The following TCHH variants were observed in gnomAD, a reference collection of about 807,000 sequenced individuals.
The protein encoded by TCHH is trichohyalin.
In TCHH, 6 loss-of-function variants were observed where a neutral mutation model predicts 6.3. The observed-to-expected ratio is 0.95, with a 90% CI of 0.52 to 1.88. The LOEUF is 1.88. TCHH is among the 40% of genes most tolerant of loss of function. The pLI, the probability that TCHH is intolerant of heterozygous loss-of-function variation, is 0.01. For missense variants in TCHH, 2,920 were observed against 2,449.1 expected (o/e 1.19, Z -4.06); for synonymous variants, 1,087 against 963.6 (o/e 1.13, Z -2.37).
Position 152,112,661 on chromosome 1 carries a change from G to C in TCHH, c.556C>G (p.Arg186Gly), listed in dbSNP as rs747626615. 6.2e-7 allele frequency: 1 copy of C among 1,613,874 alleles called. No homozygotes were observed. The highest frequency in any genetic ancestry group is 8.5e-7 in the Non-Finnish European group (1 of 1,180,024). ...QRQEWQEREE[R>G]RAEEEQLQSC... ...TGCAGCTGCTCTTCCTCTGCACGGCGCTCTTCCCGTTCTTGCCATTCTTGC... is the reference window on the plus strand; with the variant it reads ...TGCAGCTGCTCTTCCTCTGCACGGCCCTCTTCCCGTTCTTGCCATTCTTGC... Residue 186 changes from arginine to glycine, a missense_variant, in exon 3 of 3, where the codon CGC becomes GGC. Coordinates refer to ENST00000614923, the MANE Select transcript of TCHH (RefSeq NM_007113.4).
At position 152,114,095 on chromosome 1, in the gene TCHH, T is replaced by G. The variant is rs746145923; in HGVS notation, c.-15A>C. On this transcript the variant is annotated 5_prime_UTR_variant, in exon 2 of 3. Coordinates refer to ENST00000614923, the MANE Select transcript of TCHH (RefSeq NM_007113.4). ...AGTGGAGACATTTTTTTTTCTTTCC[T>G]TCAAGTTCAAGTAAACCTAGAACAA... The G allele has an allele frequency of 1.1e-5, 17 of 1,593,890 alleles. No individual in the cohort carries two copies. Among genetic ancestry groups the G allele is most frequent in the Non-Finnish European group, 1.4e-5 (17 of 1,174,594 alleles).
rs770476948 is a variant in TCHH at position 152,107,876 on chromosome 1, G to T, written c.5341C>A (p.Gln1781Lys). 84 of 1,613,742 alleles carry T rather than the reference G, an allele frequency of 5.2e-5. No individual in the cohort carries two copies. The highest frequency in any genetic ancestry group is 6.6e-5 in the Non-Finnish European group (78 of 1,179,942). ...CGCAGCTGCTGTTCCTCCCTCTCCT[G>T]GCGGAGCTGTTCCTCCTCGCGGAAT... Reference protein sequence around the residue: ...RKFREEEQLRQEREEQQLRSQ... With the variant: ...RKFREEEQLRKEREEQQLRSQ... The change falls in exon 3 of 3, where the codon CAG becomes AAG. Residue 1781 changes from glutamine to lysine, a missense_variant. Transcript: ENST00000614923.
Position 152,111,062 on chromosome 1 carries a change from C to T in TCHH, c.2155G>A (p.Val719Ile). Residue 719 changes from valine (V) to isoleucine (I), a missense_variant, in exon 3 of 3, where the codon GTC (valine) becomes ATC (isoleucine). By Grantham distance (29) the Val-to-Ile change is conservative (BLOSUM62 3). Coordinates refer to ENST00000614923, the MANE Select transcript of TCHH (RefSeq NM_007113.4). ...ESEADARQSK[V>I]YSRPRKQEGQ... ...TCCTGCTTGCGGGGCCTCGAGTAGA[C>T]TTTGCTTTGCCGTGCGTCGGCCTCG... 1 of 1,613,572 alleles carries T rather than the reference C, an allele frequency of 6.2e-7. No homozygotes were observed.
intron 2 of TCHH, 67 bp downstream of exon 2, chr1:152,113,876 T>A (rs553885114): frequency 6.4e-7 from 1 of 1,562,678 alleles, no homozygotes; most frequent in African/African-American, 1.4e-5. Context: ...TTCCTTGCTC[T>A]GGTCTCCTCT....
chr1:152,111,826 G>A lies in TCHH; in HGVS notation c.1391C>T (p.Thr464Met), dbSNP rs371113568. Residue 464 changes from threonine (T) to methionine (M), a missense_variant, in exon 3 of 3, where the codon ACG becomes ATG. By Grantham distance (81) the Thr-to-Met change is moderately conservative. Coordinates refer to ENST00000614923, the MANE Select transcript of TCHH (RefSeq NM_007113.4). ...GCGCCTCTCCTGCTCGTGCCTCTCC[G>A]TCTCCTCCTCGCGCTTCAGCCAATC... ...RRDWLKREEE[T>M]ERHEQERRKQ... The A allele has an allele frequency of 2.9e-5, 37 of 1,285,842 alleles. No homozygotes were observed. The East Asian group carries it at 1.4e-3, about 49-fold the overall frequency. 79.7% of individuals were successfully genotyped at this position (1,285,842 alleles called of 1,614,324 possible).
Position 152,108,326 on chromosome 1 carries a change from T to G in TCHH, c.4891A>C (p.Arg1631=). Residue 1631 remains arginine, a synonymous_variant, in exon 3 of 3, where the codon AGG becomes CGG. Coordinates refer to ENST00000614923, the MANE Select transcript of TCHH (RefSeq NM_007113.4). ...FREDEQLLQE[R]EEQQLHRQER... ...TGGCGGTGCAGCTGCTGTTCTTCCC[T>G]TTCCTGGAGCAGCTGTTCGTCTTCG... 6.3e-7 allele frequency: 1 copy of G among 1,589,552 alleles called. No homozygotes were observed. The highest frequency in any genetic ancestry group is 8.6e-7 in the Non-Finnish European group (1 of 1,168,240).
chr1:152,111,737 C>T lies in TCHH; in HGVS notation c.1480G>A (p.Glu494Lys), dbSNP rs199978168. Residue 494 changes from glutamate (E) to lysine (K), a missense_variant, in exon 3 of 3, where the codon GAG becomes AAG. Coordinates refer to ENST00000614923, the MANE Select transcript of TCHH (RefSeq NM_007113.4). ...RRERWLKLEE[E>K]ERREQQERRE... ...CTCTCCTGCTGCTCGCGCCTCTCCT[C>T]CTCCTCGAGCTTCAGCCAACGTTCG... The T allele has an allele frequency of 1.5e-6, 2 of 1,339,942 alleles. No individual in the cohort carries two copies. Among genetic ancestry groups the T allele is most frequent in the Non-Finnish European group, 2.0e-6 (2 of 997,910 alleles). 83.0% of individuals were successfully genotyped at this position (1,339,942 alleles called of 1,614,324 possible).
In TCHH at chr1:152,109,638, C is replaced by T. The variant is rs780818019; in HGVS notation, c.3579G>A (p.Gln1193=). 28 of 1,610,934 alleles carry T rather than the reference C, an allele frequency of 1.7e-5. No homozygotes were observed. The highest frequency in any genetic ancestry group is 2.3e-5 in the Non-Finnish European group (27 of 1,178,188). Residue 1193 remains glutamine (Q), a synonymous_variant, in exon 3 of 3, where the codon CAG becomes CAA. Coordinates refer to ENST00000614923, the MANE Select transcript of TCHH (RefSeq NM_007113.4). ...LLREEQEKRR[Q]ERERQYREEE... is the part of the protein sequence containing the mutation. ...CCTCCCGATACTGCCTCTCCCGCTC[C>T]TGGCGCCTTTTCTCCTGTTCCTCTC...
chr1:152,107,613 C>A lies in TCHH; in HGVS notation c.5604G>T (p.Glu1868Asp). The change falls in exon 3 of 3, where the codon GAG becomes GAT. Residue 1868 changes from glutamate to aspartate, a missense_variant. Transcript: ENST00000614923. Reference protein sequence around the residue: ...RREEQELWQEEEQKRRQERER... With the variant: ...RREEQELWQEDEQKRRQERER... ...CCCGTTCCTGGCGACGTTTCTGCTC[C>A]TCTTCTTGCCATAGTTCTTGTTCCT... is the stretch of plus-strand genomic sequence containing the variant. 6.2e-7 allele frequency: 1 copy of A among 1,614,094 alleles called. No individual in the cohort carries two copies. Among genetic ancestry groups the A allele is most frequent in the Non-Finnish European group, 8.5e-7 (1 of 1,180,018 alleles).
Position 152,109,523 on chromosome 1 carries a change from C to T in TCHH, c.3694G>A (p.Glu1232Lys), listed in dbSNP as rs1368952450. Residue 1232 changes from glutamate (E) to lysine (K), a missense_variant, in exon 3 of 3, where the codon GAA becomes AAA. Coordinates refer to ENST00000614923, the MANE Select transcript of TCHH (RefSeq NM_007113.4). Reference protein sequence around the residue: ...DLKWQWEPEKENAVRDNKVYC... With the variant: ...DLKWQWEPEKKNAVRDNKVYC... Reference sequence around the variant, plus strand: ...ACCTTGTTATCACGAACTGCATTTTCTTTTTCTGGTTCCCACTGCCATTTC... The same window carrying T: ...ACCTTGTTATCACGAACTGCATTTTTTTTTTCTGGTTCCCACTGCCATTTC... The T allele has an allele frequency of 1.2e-6, 2 of 1,614,274 alleles. No homozygotes were observed. Among genetic ancestry groups the T allele is most frequent in the Non-Finnish European group, 1.7e-6 (2 of 1,180,046 alleles).
chr1:152,114,282 C>T (rs896422169), intron 1 of TCHH, among the ~76,000 whole-genome samples, 171 bp from the exon 2 acceptor site: 2 of 152,138 alleles, frequency 1.3e-5, no homozygotes, highest in Admixed American at 6.6e-5. Flanking sequence ...AGAGAAAGAG[C>T]GATCCTGAGA....
In TCHH at chr1:152,108,629, GC is replaced by G. The variant is rs1658201032; in HGVS notation, c.4587del (p.Gln1530ArgfsTer43). On this transcript the variant is annotated frameshift_variant, in exon 3 of 3. Transcript: ENST00000614923. LOFTEE classifies it low-confidence loss of function (END_TRUNC). ...EEEQQLHRQQ[R>X]QRKFLQEEQQ... ...TGTTCCTCCTGGAGGAATTTTCTCT[GC>G]CGTTGCTGGCGGTGCAGCTGCTGTT... 6.3e-7 allele frequency: 1 copy of G among 1,585,514 alleles called. No homozygotes were observed. Among genetic ancestry groups the G allele is most frequent in the South Asian group, 1.1e-5 (1 of 90,268 alleles).
rs749152495 is a variant in TCHH, at chr1:152,108,245, C to T, written c.4972G>A (p.Glu1658Lys). ...EEPQLRRQEREQQLRHDRDRK... is the reference protein window; with the variant it reads ...EEPQLRRQERKQQLRHDRDRK... ...TCGCGGTCGTGACGCAGCTGTTGTTCGCGCTCCTGGCGGCGCAGCTGCGGT... is the reference window on the plus strand; with the variant it reads ...TCGCGGTCGTGACGCAGCTGTTGTTTGCGCTCCTGGCGGCGCAGCTGCGGT... Residue 1658 changes from glutamate (E) to lysine (K), a missense_variant, in exon 3 of 3, where the codon GAA becomes AAA. Coordinates refer to ENST00000614923, the MANE Select transcript of TCHH (RefSeq NM_007113.4). 4 of 1,610,362 alleles carry T rather than the reference C, an allele frequency of 2.5e-6. No individual in the cohort carries two copies. The African/African-American group carries it at 4.1e-5, about 16-fold the overall frequency.
chr1:152,113,000 C>A lies in TCHH; in HGVS notation c.217G>T (p.Glu73Ter). The A allele has an allele frequency of 7.4e-6, 12 of 1,614,062 alleles. No individual in the cohort carries two copies. Among genetic ancestry groups the A allele is most frequent in the Non-Finnish European group, 1.0e-5 (12 of 1,180,028 alleles). Residue 73 changes from glutamate to a stop codon, truncating the protein, a stop_gained, in exon 3 of 3, where the codon GAA becomes TAA. Transcript: ENST00000614923. LOFTEE classifies it low-confidence loss of function (END_TRUNC). The stretch of plus-strand genomic sequence containing the variant: ...ACTTTGAAAATAAATAGGAGGAATT[C>A]GTTGAAATCGACACGCCCATTACTG... ...LDSNGRVDFNEFLLFIFKVAQ... is the reference protein window; with the variant it reads ...LDSNGRVDFN
chr1:152,114,938 G>A (rs917239191), intron 1 of TCHH, among the ~76,000 whole-genome samples: 1 of 152,238 alleles, frequency 6.6e-6, no homozygotes. Flanking sequence ...GTAGATCAAT[G>A]TTATAAGAAT....
rs749982262 is a variant in TCHH at position 152,113,953 on chromosome 1, G to A, written c.128C>T (p.Ala43Val). 7 of 1,612,566 alleles carry A rather than the reference G, an allele frequency of 4.3e-6. No individual in the cohort carries two copies. The Admixed American group carries it at 5.0e-5, about 12-fold the overall frequency. The change falls in exon 2 of 3, where the codon GCT (alanine) becomes GTT (valine). Residue 43 changes from alanine to valine, a missense_variant. Physicochemically the swap from Ala to Val is moderately conservative, Grantham distance 64. Coordinates refer to ENST00000614923, the MANE Select transcript of TCHH (RefSeq NM_007113.4). ...CTTGTTAGTTCTTACCCGAAGCACAGCTCCAAATTCCCTTTCAAGGAGGTT... is the reference window on the plus strand; with the variant it reads ...CTTGTTAGTTCTTACCCGAAGCACAACTCCAAATTCCCTTTCAAGGAGGTT... ...LKNLLEREFGAVLRRPHDPKT... is the reference protein window; with the variant it reads ...LKNLLEREFGVVLRRPHDPKT...
chr1:152,111,422 C>A lies in TCHH; in HGVS notation c.1795G>T (p.Glu599Ter), dbSNP rs766428309. Residue 599 changes from glutamate to a stop codon, truncating the protein, a stop_gained, in exon 3 of 3, where the codon GAG becomes TAG. Coordinates refer to ENST00000614923, the MANE Select transcript of TCHH (RefSeq NM_007113.4). LOFTEE classifies it low-confidence loss of function (END_TRUNC). ...RLKREQEERL[E>*]QRLKREEVER... is the part of the protein sequence containing the mutation. Reference sequence around the variant, plus strand: ...ACCTCCTCGCGCTTCAGTCGCTGCTCGAGCCTCTCTTCCTGCTCGCGCTTC... The same window carrying A: ...ACCTCCTCGCGCTTCAGTCGCTGCTAGAGCCTCTCTTCCTGCTCGCGCTTC... The A allele has an allele frequency of 2.5e-6, 4 of 1,602,328 alleles. No individual in the cohort carries two copies. The highest frequency in any genetic ancestry group is 2.5e-6 in the Non-Finnish European group (3 of 1,176,636).
At position 152,109,856 on chromosome 1, in the gene TCHH, C is replaced by G. The variant is rs371731236; in HGVS notation, c.3361G>C (p.Glu1121Gln). 3.1e-6 allele frequency: 5 copies of G among 1,604,842 alleles called. No homozygotes were observed. The African/African-American group carries it at 6.8e-5, about 22-fold the overall frequency. The part of the protein sequence containing the change: ...REEEELQQEE[E>Q]QLLREEREKR... ...TCCCGTTCCTCTCTCAGCAGCTGCTCTTCCTCCTGCTGCAGCTCCTCTTCC... is the reference window on the plus strand; with the variant it reads ...TCCCGTTCCTCTCTCAGCAGCTGCTGTTCCTCCTGCTGCAGCTCCTCTTCC... Residue 1121 changes from glutamate (E) to glutamine (Q), a missense_variant, in exon 3 of 3, where the codon GAG (glutamate) becomes CAG (glutamine). By Grantham distance (29) the Glu-to-Gln change is conservative. Coordinates refer to ENST00000614923, the MANE Select transcript of TCHH (RefSeq NM_007113.4).
In TCHH at chr1:152,110,333, T is replaced by A. The variant is rs1445487116; in HGVS notation, c.2884A>T (p.Lys962Ter). Residue 962 changes from lysine (K) to a stop codon, truncating the protein, a stop_gained, in exon 3 of 3, where the codon AAG becomes TAG. Transcript: ENST00000614923. LOFTEE classifies it low-confidence loss of function (END_TRUNC). ...RRQERERQYR[K>*]DKKLQQKEEQ... is the part of the protein sequence containing the mutation. ...TCCTTCTGCTGCAGCTTCTTATCCT[T>A]CCGATATTGCCTTTCCCGCTCCTGG... 2.5e-6 allele frequency: 4 copies of A among 1,588,334 alleles called. No homozygotes were observed. Among genetic ancestry groups the A allele is most frequent in the Non-Finnish European group, 3.4e-6 (4 of 1,170,174 alleles).
Sources: allele counts gnomAD v4.1 joint callset (sites outside exome capture counted in the v4.1 genomes callset), GRCh38; gene constraint gnomAD v4.1.1; transcripts MANE v1.5; gene names NCBI Gene and HGNC (gene_info 2026-07-23, HGNC 2026-07-21).